TLL1: variants seen among roughly 807,000 people sequenced by gnomAD.
TLL1 encodes the protein tolloid-like protein 1.
Under a neutral mutation model 128.2 loss-of-function variants are expected in TLL1, and 49 were observed. That is an observed-to-expected ratio of 0.38 (90% CI 0.30 to 0.48). The LOEUF is 0.48. Ranked by LOEUF, TLL1 falls within the 20% of genes least tolerant of loss-of-function variation. The pLI is 0.96. For missense variants in TLL1, 1,123 were observed against 1,242.0 expected, an observed-to-expected ratio of 0.90 and a Z score of 1.44; for synonymous variants, 454 against 418.8, an observed-to-expected ratio of 1.08 and a Z score of -1.03.
intron 1 of TLL1, among the ~76,000 whole-genome samples, chr4:165,912,122 G>C (rs1036330471): frequency 6.6e-6 from 1 of 152,168 alleles, no homozygotes; most frequent in Non-Finnish European, 1.5e-5. Context: ...TGATCTGTCT[G>C]CCTCGGCCTC....
At chr4:165,900,744 G>T (rs1225112848) in intron 1 of TLL1, among the ~76,000 whole-genome samples, 2 of 152,112 alleles carry the variant, frequency 1.3e-5, no homozygotes, top group Non-Finnish European at 2.9e-5. Flanking sequence ...GAGTATCTTT[G>T]TGGTGTTCTC....
intron 8 of TLL1, among the ~76,000 whole-genome samples, chr4:166,023,301 G>A (rs1738329768): frequency 6.6e-6 from 1 of 152,148 alleles, no homozygotes. Context: ...TCGTGAGACT[G>A]AGGCAAGAGA....
At chr4:166,022,796 A>T (rs767212348) in intron 8 of TLL1, among the ~76,000 whole-genome samples, 10 of 152,240 alleles carry the variant, frequency 6.6e-5, no homozygotes, top group Non-Finnish European at 1.5e-5. Context: ...ATACATATGG[A>T]TTATCTAATT....
chr4:166,038,750 T>C (rs182483232), intron 9 of TLL1, among the ~76,000 whole-genome samples: 2 of 152,184 alleles, frequency 1.3e-5, no homozygotes, highest in Non-Finnish European at 2.9e-5. Flanking sequence ...TATATACATC[T>C]TTGGATCTAG....
intron 18 of TLL1, among the ~76,000 whole-genome samples, chr4:166,085,068 C>A (rs1043136363): frequency 2.6e-5 from 4 of 151,790 alleles, no homozygotes; most frequent in African/African-American, 9.7e-5. Context: ...TTATTGATTT[C>A]TTTTTCAGAT....
intron 6 of TLL1, among the ~76,000 whole-genome samples, chr4:166,006,144 T>C (rs1410803883): frequency 6.6e-6 from 1 of 151,860 alleles, no homozygotes; most frequent in Non-Finnish European, 1.5e-5. Flanking sequence ...CTCACATTTA[T>C]ATGCAAAATC....
At chr4:165,964,578 G>A (rs1735276826) in intron 1 of TLL1, among the ~76,000 whole-genome samples, 1 of 152,122 alleles carries the variant, frequency 6.6e-6, no homozygotes, top group Non-Finnish European at 1.5e-5. Context: ...CTCACATGTT[G>A]CAATTCCTAC....
intron 1 of TLL1, among the ~76,000 whole-genome samples, chr4:165,982,544 C>A (rs1736195063): frequency 6.7e-6 from 1 of 148,606 alleles, no homozygotes; most frequent in Non-Finnish European, 1.5e-5. Flanking sequence ...AGAGAAAGGA[C>A]TCCGGACTTT....
At chr4:165,932,538 C>T (rs777526200) in intron 1 of TLL1, among the ~76,000 whole-genome samples, 2 of 151,932 alleles carry the variant, frequency 1.3e-5, no homozygotes, top group Non-Finnish European at 1.5e-5. Context: ...AGTAACTGTG[C>T]GTAACTGAGG....
intron 18 of TLL1, among the ~76,000 whole-genome samples, chr4:166,084,166 G>A (rs1741402812): frequency 6.6e-6 from 1 of 152,098 alleles, no homozygotes; most frequent in Non-Finnish European, 1.5e-5. Context: ...TCAAATACCT[G>A]TTGGTTATTT....
At chr4:166,094,105 A>G (rs545735585) in intron 19 of TLL1, among the ~76,000 whole-genome samples, 2 of 152,232 alleles carry the variant, frequency 1.3e-5, no homozygotes, top group South Asian at 2.1e-4. Context: ...TTGTGATCCA[A>G]TGGTAGAGAA....
chr4:166,007,324 G>A (rs908155095), intron 6 of TLL1, among the ~76,000 whole-genome samples: 7 of 151,842 alleles, frequency 4.6e-5, no homozygotes, highest in Admixed American at 3.9e-4. Context: ...AAGCATTTAC[G>A]TTCTGAAGCA....
chr4:166,020,470 T>C (rs1374720805), intron 8 of TLL1, among the ~76,000 whole-genome samples: 1 of 152,206 alleles, frequency 6.6e-6, no homozygotes, highest in East Asian at 1.9e-4. Flanking sequence ...TTCTAAGGTA[T>C]ACGAGTTGTA....
chr4:165,884,773 T>G (rs1475203934), intron 1 of TLL1, among the ~76,000 whole-genome samples: 3 of 152,022 alleles, frequency 2.0e-5, no homozygotes, highest in Admixed American at 1.3e-4. Context: ...GAGGTGGAGG[T>G]TGCAGTGAAC....
chr4:165,972,490 AT>A (rs939872383), intron 1 of TLL1, among the ~76,000 whole-genome samples: 32 of 152,128 alleles, frequency 2.1e-4, no homozygotes, highest in Middle Eastern at 6.8e-3. Flanking sequence ...TCAGTAAGAT[AT>A]TTTTGGATGG....
intron 16 of TLL1, among the ~76,000 whole-genome samples, chr4:166,069,825 A>T (rs1740730433): frequency 2.0e-5 from 3 of 151,898 alleles, no homozygotes; most frequent in East Asian, 3.9e-4. Flanking sequence ...TAGCTTAAAA[A>T]TTAAGAAGTC....
At chr4:165,991,934 C>A (rs1451462325) in intron 2 of TLL1, among the ~76,000 whole-genome samples, 1 of 151,718 alleles carries the variant, frequency 6.6e-6, no homozygotes, top group Non-Finnish European at 1.5e-5. Context: ...AATAAAAATT[C>A]AAGGAGAATA....
chr4:165,973,475 T>C (rs1342629800), intron 1 of TLL1, among the ~76,000 whole-genome samples: 5 of 151,884 alleles, frequency 3.3e-5, no homozygotes, highest in African/African-American at 1.2e-4. Flanking sequence ...TGTAGATCCT[T>C]TTGGTTACAG....
chr4:166,040,260 A>G (rs529619117), intron 10 of TLL1, among the ~76,000 whole-genome samples: 1 of 152,236 alleles, frequency 6.6e-6, no homozygotes, highest in Non-Finnish European at 1.5e-5. Flanking sequence ...TTGTATTAAA[A>G]GTGACAGCAG....
Sources: allele counts gnomAD v4.1 joint callset (sites outside exome capture counted in the v4.1 genomes callset), GRCh38; gene constraint gnomAD v4.1.1; transcripts MANE v1.5; gene names NCBI Gene and HGNC (gene_info 2026-07-23, HGNC 2026-07-21).